NTM: variants seen among roughly 807,000 people sequenced by gnomAD.
NTM encodes the protein neurotrimin.
In NTM, 13 loss-of-function variants were observed where a neutral mutation model predicts 42.1. The observed-to-expected ratio is 0.31, with a 90% confidence interval of 0.20 to 0.49. NTM has a LOEUF of 0.49. Among genes scored for constraint, NTM ranks in the 20% least tolerant of loss-of-function variants. The probability of loss-of-function intolerance (pLI) is 0.99; values close to 1 mark genes in which losing one functional copy is unlikely to be tolerated. For missense variants in NTM, 373 were observed against 452.8 expected, an observed-to-expected ratio of 0.82 and a Z score of 1.60; for synonymous variants, 187 against 179.2, an observed-to-expected ratio of 1.04 and a Z score of -0.35.
chr11:131,519,932 T>G (rs1202151732), intron 1 of NTM, among the ~76,000 whole-genome samples: 1 of 150,792 alleles, frequency 6.6e-6, no homozygotes, highest in Non-Finnish European at 1.5e-5. Flanking sequence ...ATCTTTAGTT[T>G]TATTTCTTGG....
intron 1 of NTM, among the ~76,000 whole-genome samples, chr11:131,900,779 G>A (rs548554213): frequency 7.9e-5 from 12 of 152,304 alleles, no homozygotes; most frequent in Non-Finnish European, 1.8e-4. Context: ...TTATTTGTGA[G>A]CTACAGTGAT....
intron 1 of NTM, among the ~76,000 whole-genome samples, chr11:131,839,172 G>T (rs923801325): frequency 1.3e-5 from 2 of 152,048 alleles, no homozygotes; most frequent in East Asian, 3.9e-4. Context: ...ATGTTGGCCA[G>T]ACTGGTCTCG....
intron 1 of NTM, among the ~76,000 whole-genome samples, chr11:131,409,688 G>A (rs564962770): frequency 6.6e-5 from 10 of 152,230 alleles, no homozygotes; most frequent in African/African-American, 1.7e-4. Flanking sequence ...TAAAAGCCCC[G>A]TTTTCCCTTT....
At chr11:131,703,064 G>A (rs1470023200) in intron 1 of NTM, among the ~76,000 whole-genome samples, 1 of 152,162 alleles carries the variant, frequency 6.6e-6, no homozygotes, top group Non-Finnish European at 1.5e-5. Flanking sequence ...CCAACTCTTG[G>A]ATTATAGAGA....
intron 1 of NTM, 137 bp from the exon 2 acceptor site, chr11:131,911,427 C>G (rs889675275): frequency 4.0e-5 from 64 of 1,610,754 alleles, no homozygotes; most frequent in Non-Finnish European, 5.2e-5. Flanking sequence ...TGTGCTCGCC[C>G]GGGGGGCGTG....
At chr11:131,778,184 A>G (rs1376644087) in intron 1 of NTM, among the ~76,000 whole-genome samples, 10 of 152,236 alleles carry the variant, frequency 6.6e-5, no homozygotes, top group Admixed American at 5.9e-4. Context: ...GGGTGTGTTG[A>G]GAAGAAACAT....
intron 1 of NTM, among the ~76,000 whole-genome samples, chr11:131,379,488 C>T (rs1197892789): frequency 6.6e-6 from 1 of 152,126 alleles, no homozygotes; most frequent in African/African-American, 2.4e-5. Context: ...CCTGGGTCTG[C>T]CTCTTTCTGG....
At chr11:132,014,184 T>C (rs1473875517) in intron 2 of NTM, among the ~76,000 whole-genome samples, 2 of 152,110 alleles carry the variant, frequency 1.3e-5, no homozygotes, top group African/African-American at 4.8e-5. Flanking sequence ...CTGAACATAA[T>C]GACCTCCATG....
intron 3 of NTM, among the ~76,000 whole-genome samples, chr11:132,196,605 C>T (rs185939759): frequency 1.1e-4 from 17 of 152,306 alleles, no homozygotes; most frequent in African/African-American, 4.1e-4. Context: ...GAATACTACA[C>T]ATCCGTAAAA....
At chr11:132,325,008 C>T (rs1332326370) in intron 7 of NTM, among the ~76,000 whole-genome samples, 1 of 151,648 alleles carries the variant, frequency 6.6e-6, no homozygotes, top group African/African-American at 2.4e-5. Context: ...ACACCTTACA[C>T]AAAAATCAAT....
At chr11:131,963,837 C>T (rs1048046042) in intron 2 of NTM, among the ~76,000 whole-genome samples, 3 of 152,146 alleles carry the variant, frequency 2.0e-5, no homozygotes, top group African/African-American at 7.2e-5. Context: ...ATCAGAATGA[C>T]ACTTTGAGGT....
chr11:131,671,160 A>G (rs1182455549), intron 1 of NTM, among the ~76,000 whole-genome samples: 2 of 152,140 alleles, frequency 1.3e-5, no homozygotes, highest in Non-Finnish European at 1.5e-5. Context: ...AGAACTTGCT[A>G]GGAGGCTTTT....
In NTM at chr11:131,434,932, T is replaced by G. The variant is rs537520022; in HGVS notation, c.82+64044T>G. 1.3e-3 allele frequency among the ~76,000 whole-genome samples: 199 copies of G among 152,328 alleles called. 4 individuals carry two copies. The highest frequency in any genetic ancestry group is 5.9e-4 in the Non-Finnish European group (40 of 68,034). On this transcript the variant is annotated intron_variant, in intron 1 of 8. Coordinates refer to ENST00000683400, the MANE Select transcript of NTM (RefSeq NM_001352005.2). Reference sequence around the variant, plus strand: ...GTTTTTATGGTTTTAGGTCTAACATTTAAGTCTTTAATCCATCTTGAATTT... The same window carrying G: ...GTTTTTATGGTTTTAGGTCTAACATGTAAGTCTTTAATCCATCTTGAATTT...
chr11:132,329,144 G>A (rs2095748332), intron 7 of NTM, among the ~76,000 whole-genome samples: 1 of 152,130 alleles, frequency 6.6e-6, no homozygotes, highest in Non-Finnish European at 1.5e-5. Context: ...TTGCTTTTAG[G>A]ATGAGTTATA....
intron 1 of NTM, among the ~76,000 whole-genome samples, chr11:131,626,278 A>AT (rs2063097898): frequency 2.6e-5 from 4 of 152,174 alleles, no homozygotes. Context: ...CTTTGTAGTG[A>AT]TTAGTAACTG....
intron 2 of NTM, among the ~76,000 whole-genome samples, chr11:131,951,066 G>A (rs1249986718): frequency 2.0e-5 from 3 of 152,184 alleles, no homozygotes; most frequent in South Asian, 4.1e-4. Context: ...ACAATAGCCT[G>A]TAGCCTTAAG....
rs192660592 is a variant in NTM at position 132,049,825 on chromosome 11, G to A, written c.168-96457G>A. ...GAGGATGGCCACCAAGGTTTTTGCC[G>A]GTCAGACATGTCTCTGATTTGATGG... On this transcript the variant is annotated intron_variant, in intron 2 of 8. Coordinates refer to ENST00000683400, the MANE Select transcript of NTM (RefSeq NM_001352005.2). 2.6e-3 allele frequency among the ~76,000 whole-genome samples: 400 copies of A among 152,248 alleles called. 2 individuals carry two copies. Among genetic ancestry groups the A allele is most frequent in the Non-Finnish European group, 2.8e-3 (193 of 68,014 alleles).
chr11:131,831,244 G>T (rs139802194), intron 1 of NTM, among the ~76,000 whole-genome samples: 28 of 152,172 alleles, frequency 1.8e-4, no homozygotes, highest in African/African-American at 6.3e-4. Flanking sequence ...ACATTGGAAG[G>T]CTCCTTTTCA....
chr11:131,419,982 G>A (rs1240447861), intron 1 of NTM, among the ~76,000 whole-genome samples: 1 of 152,158 alleles, frequency 6.6e-6, no homozygotes, highest in Admixed American at 6.5e-5. Context: ...CCTTCCTTTG[G>A]TTGTTGGGAG....
Sources: allele counts gnomAD v4.1 joint callset (sites outside exome capture counted in the v4.1 genomes callset), GRCh38; gene constraint gnomAD v4.1.1; transcripts MANE v1.5; gene names NCBI Gene and HGNC (gene_info 2026-07-23, HGNC 2026-07-21).